The following F3 variants were observed in gnomAD, a reference collection of about 807,000 sequenced individuals.
The protein encoded by F3 is coagulation factor III, tissue factor.
Under a neutral mutation model 33.5 loss-of-function variants are expected in F3, and 18 were observed. That is an observed-to-expected ratio of 0.54 (90% CI 0.37 to 0.80). The LOEUF (loss-of-function observed/expected upper bound fraction) is 0.80, where lower values mean the gene tolerates loss of function less well. Among genes scored for constraint, F3 ranks in the 30% least tolerant of loss-of-function variants. The pLI, the probability that F3 is intolerant of heterozygous loss-of-function variation, is 0.00. For missense variants in F3, 353 were observed against 362.1 expected (o/e 0.97, Z 0.20); for synonymous variants, 147 against 140.7 (o/e 1.05, Z -0.32).
chr1:94,530,684 C>T (rs1329192356), intron 5 of F3, 88 bp from the exon 6 acceptor site: 2 of 1,502,928 alleles, frequency 1.3e-6, no homozygotes, highest in Non-Finnish European at 1.8e-6. Flanking sequence ...CCAAATTACA[C>T]CATCCTATTT....
intron 2 of F3, 126 bp from the exon 3 acceptor site, chr1:94,536,290 G>T: frequency 1.2e-6 from 1 of 807,720 alleles, no homozygotes; most frequent in Non-Finnish European, 2.0e-6. Context: ...TCCTAATGAT[G>T]CAGTCACTGT....
intron 2 of F3, among the ~76,000 whole-genome samples, chr1:94,536,906 A>G (rs1477104912): frequency 6.6e-6 from 1 of 152,158 alleles, no homozygotes; most frequent in Admixed American, 6.5e-5. Context: ...CCCTTTACTC[A>G]TGTTACTTCA....
Position 94,537,556 on chromosome 1 carries a change from A to G in F3, c.213-1392T>C, listed in dbSNP as rs3917611. ...GCAGGGCTATAGGGTCTCGCTGACT[A>G]TTAGATGGTTTGCATTTACAGGTTG... is the stretch of plus-strand genomic sequence containing the variant. On this transcript the variant is annotated intron_variant, in intron 2 of 5. Transcript: ENST00000334047. 4.1e-3 allele frequency among the ~76,000 whole-genome samples: 630 copies of G among 152,328 alleles called. 1 individual carries two copies. The highest frequency in any genetic ancestry group is 0.014 in the African/African-American group (562 of 41,564).
chr1:94,541,360 G>A (rs1254016952), intron 1 of F3, among the ~76,000 whole-genome samples, 177 bp downstream of exon 1: 1 of 152,154 alleles, frequency 6.6e-6, no homozygotes, highest in Non-Finnish European at 1.5e-5. Flanking sequence ...AACTCCCGCC[G>A]GCGCCCGACG....
intron 5 of F3, among the ~76,000 whole-genome samples, chr1:94,531,285 T>C (rs1224056742): frequency 7.1e-6 from 1 of 141,176 alleles, no homozygotes. Context: ...TAAGCCATCA[T>C]TTCTTTTTTC....
rs551846678 is a variant in F3 at position 94,529,699 on chromosome 1, T to G, written c.*761A>C. The stretch of plus-strand genomic sequence containing the variant: ...AAAAAAGAACCTAAACACTATATTA[T>G]AGACATATGTTAGAAAAGTCCTAGA... On this transcript the variant is annotated 3_prime_UTR_variant, in exon 6 of 6. Transcript: ENST00000334047. 6.6e-6 allele frequency: 1 copy of G among 152,492 alleles called. No individual in the cohort carries two copies. The highest frequency in any genetic ancestry group is 2.1e-4 in the South Asian group (1 of 4,824). The allele number at this position is 152,492 out of a possible 1,614,324, so 9.4% of individuals were successfully genotyped here. A position where few individuals can be genotyped will look rare whatever the true frequency, so the allele number is the denominator to read the frequency against.
chr1:94,535,284 G>A (rs768851038), intron 3 of F3, among the ~76,000 whole-genome samples: 18 of 152,028 alleles, frequency 1.2e-4, no homozygotes, highest in Non-Finnish European at 2.2e-4. Flanking sequence ...CCACAGTTGC[G>A]GCAAAAGAAT....
rs1334051254 is a variant in F3, at chr1:94,535,417, A to G, written c.412+548T>C. On this transcript the variant is annotated intron_variant, in intron 3 of 5. Coordinates refer to ENST00000334047, the MANE Select transcript of F3 (RefSeq NM_001993.5). ...CAAAACCAGAACGAGGGTGACAGGCAGATGGCTGGGCAGGTGCTGGCACAT... is the reference window on the plus strand; with the variant it reads ...CAAAACCAGAACGAGGGTGACAGGCGGATGGCTGGGCAGGTGCTGGCACAT... 2.0e-5 allele frequency among the ~76,000 whole-genome samples: 3 copies of G among 152,186 alleles called. No homozygotes were observed. The South Asian group carries it at 6.2e-4, about 31-fold the overall frequency.
intron 4 of F3, 119 bp downstream of exon 4, chr1:94,532,971 C>T (rs1651475731): frequency 6.8e-6 from 7 of 1,035,244 alleles, no homozygotes; most frequent in Non-Finnish European, 9.8e-6. Context: ...CCCCCTTCTA[C>T]TCCATCACCT....
At chr1:94,540,678 T>C (rs1440098945) in intron 1 of F3, 4 of 294,862 alleles carry the variant, frequency 1.4e-5, no homozygotes, top group Non-Finnish European at 2.5e-5. Flanking sequence ...GCCATCAGTG[T>C]GCCAGTCCAG....
chr1:94,530,470 T>G lies in F3; in HGVS notation c.878A>C (p.Asn293Thr), dbSNP rs1651385261. 3.7e-6 allele frequency: 6 copies of G among 1,614,048 alleles called. No homozygotes were observed. Among genetic ancestry groups the G allele is most frequent in the Non-Finnish European group, 5.1e-6 (6 of 1,180,038 alleles). ...CCAACAGTGCTTCCTTTATGAAACA[T>G]TCAGTGGGGAGTTCTCCTTCCAGCT... ...GQSWKENSPLNVS is the reference protein window; with the variant it reads ...GQSWKENSPLTVS The change falls in exon 6 of 6, where the codon AAT (asparagine) becomes ACT (threonine). Residue 293 changes from asparagine (N) to threonine (T), a missense_variant. By Grantham distance (65) the Asn-to-Thr change is moderately conservative (BLOSUM62 0). Transcript: ENST00000334047.
chr1:94,539,413 TA>T (rs1484803971), intron 2 of F3, among the ~76,000 whole-genome samples: 2 of 152,222 alleles, frequency 1.3e-5, no homozygotes. Flanking sequence ...TGGCACAAGC[TA>T]AAACAAAACA....
chr1:94,531,226 GTTTA>G (rs1472591116), intron 5 of F3, among the ~76,000 whole-genome samples: 1 of 151,980 alleles, frequency 6.6e-6, no homozygotes, highest in Non-Finnish European at 1.5e-5. Context: ...GGAGAGAACA[GTTTA>G]TTTAAAGTGT....
Position 94,530,345 on chromosome 1 carries a change from C to T in F3, c.*115G>A. 1 of 1,376,838 alleles carries T rather than the reference C, an allele frequency of 7.3e-7. No homozygotes were observed. The highest frequency in any genetic ancestry group is 9.9e-7 in the Non-Finnish European group (1 of 1,005,266). The allele number at this position is 1,376,838 out of a possible 1,614,324, so 85.3% of individuals were successfully genotyped here. On this transcript the variant is annotated 3_prime_UTR_variant, in exon 6 of 6. Coordinates refer to ENST00000334047, the MANE Select transcript of F3 (RefSeq NM_001993.5). ...CAGGTCATATCAAGAGTTTTTTGAA[C>T]TCCAGGGTCTTCATGCTCCGAAATA...
Position 94,540,269 on chromosome 1 carries a change from G to A in F3, c.200C>T (p.Thr67Ile), listed in dbSNP as rs1190894890. 1 of 1,610,428 alleles carries A rather than the reference G, an allele frequency of 6.2e-7. No individual in the cohort carries two copies. ...GTACCCAGCTTACCTTATTTGAACA[G>A]TGTAGACTTGATTGACGGGTTTGGG... ...WEPKPVNQVY[T>I]VQISTKSGDW... The change falls in exon 2 of 6, where the codon ACT becomes ATT. Residue 67 changes from threonine to isoleucine, a missense_variant. Physicochemically the swap from Thr to Ile is moderately conservative, Grantham distance 89. Transcript: ENST00000334047.
At chr1:94,541,112 A>C (rs1479731457) in intron 1 of F3, 1 of 160,086 alleles carries the variant, frequency 6.2e-6, no homozygotes, top group East Asian at 1.8e-4. Context: ...CTCTTTATTA[A>C]GGGAAGATGC....
chr1:94,535,889 C>T lies in F3; in HGVS notation c.412+76G>A, dbSNP rs1322666956. On this transcript the variant is annotated intron_variant, in intron 3 of 5. Transcript: ENST00000334047. ...AATAAATATTTTTAATTTTGTAGCC[C>T]CTAAAGGCACAAGATCACGAGAATG... 3.7e-6 allele frequency: 5 copies of T among 1,367,734 alleles called. No individual in the cohort carries two copies. The East Asian group carries it at 9.2e-5, about 25-fold the overall frequency. The allele number at this position is 1,367,734 out of a possible 1,614,324, so 84.7% of individuals were successfully genotyped here. A position where few individuals can be genotyped will look rare whatever the true frequency, so the allele number is the denominator to read the frequency against.
rs1651595129 is a variant in F3, at chr1:94,536,047, G to A, written c.330C>T (p.Tyr110=). The A allele has an allele frequency of 6.2e-7, 1 of 1,614,158 alleles. No homozygotes were observed. Among genetic ancestry groups the A allele is most frequent in the Non-Finnish European group, 8.5e-7 (1 of 1,180,030 alleles). ...KQTYLARVFS[Y]PAGNVESTGS... The stretch of plus-strand genomic sequence containing the variant: ...CGGTGCTCTCCACATTCCCTGCCGG[G>A]TAGGAGAAGACCCGTGCCAAGTACG... The change falls in exon 3 of 6, where the codon TAC becomes TAT. Residue 110 remains tyrosine (Y), a synonymous_variant. Transcript: ENST00000334047.
chr1:94,533,627 AT>A (rs1161370249), intron 3 of F3, among the ~76,000 whole-genome samples: 3 of 152,054 alleles, frequency 2.0e-5, no homozygotes, highest in Non-Finnish European at 4.4e-5. Flanking sequence ...TTGTATGCAA[AT>A]TTTTTTAAAT....
Sources: allele counts gnomAD v4.1 joint callset (sites outside exome capture counted in the v4.1 genomes callset), GRCh38; gene constraint gnomAD v4.1.1; transcripts MANE v1.5; gene names NCBI Gene and HGNC (gene_info 2026-07-23, HGNC 2026-07-21).